M1AP: variants seen among roughly 807,000 people sequenced by gnomAD.
The protein encoded by M1AP is meiosis 1 arrest protein.
M1AP carries 39 observed loss-of-function variants against 51.2 expected under a neutral mutation model. That is an observed-to-expected ratio of 0.76 (90% CI 0.59 to 1.00). M1AP has a LOEUF of 1.00. Ranked by LOEUF, M1AP falls within the 50% of genes least tolerant of loss-of-function variation. The pLI, the probability that M1AP is intolerant of heterozygous loss-of-function variation, is 0.00. For missense variants in M1AP, 545 were observed against 641.2 expected (o/e 0.85, Z 1.62); for synonymous variants, 251 against 249.2 (o/e 1.01, Z -0.07).
rs190545863 is a variant in M1AP, at chr2:74,634,740, A to G, written c.240+5296T>C. 3.3e-4 allele frequency among the ~76,000 whole-genome samples: 50 copies of G among 152,268 alleles called. 1 individual carries two copies. The highest frequency in any genetic ancestry group is 1.1e-3 in the Admixed American group (17 of 15,284). On this transcript the variant is annotated intron_variant, in intron 2 of 10. Transcript: ENST00000421985. ...TTTGTCAAATGCTTATTCTACTTCA[A>G]TTGACATAATCATGTGGTTTTCTTC...
At chr2:74,602,243 C>A (rs1426475457) in intron 4 of M1AP, among the ~76,000 whole-genome samples, 2 of 151,810 alleles carry the variant, frequency 1.3e-5, no homozygotes, top group Admixed American at 6.6e-5. Flanking sequence ...TGTCAAAAAA[C>A]ATTTATTGAG....
At chr2:74,621,546 G>A (rs1298757885) in intron 2 of M1AP, among the ~76,000 whole-genome samples, 1 of 151,992 alleles carries the variant, frequency 6.6e-6, no homozygotes, top group African/African-American at 2.4e-5. Flanking sequence ...AGCACTTTGG[G>A]AGGCCGAGGT....
intron 2 of M1AP, among the ~76,000 whole-genome samples, chr2:74,623,632 C>T (rs1303210399): frequency 6.6e-6 from 1 of 152,100 alleles, no homozygotes; most frequent in South Asian, 2.1e-4. Flanking sequence ...TAATGTGCAG[C>T]TAAGGTTGAA....
intron 2 of M1AP, among the ~76,000 whole-genome samples, chr2:74,624,211 C>G (rs2104778174): frequency 6.6e-6 from 1 of 152,288 alleles, no homozygotes; most frequent in East Asian, 1.9e-4. Flanking sequence ...GGCTGTAAAG[C>G]TGTGGCACAT....
intron 2 of M1AP, chr2:74,620,589 G>A (rs1681947793): frequency 5.7e-6 from 1 of 174,866 alleles, no homozygotes; most frequent in Non-Finnish European, 1.3e-5. Context: ...CTACTGCAAT[G>A]CAAAGAAAAG....
chr2:74,634,570 G>A (rs1289597785), intron 2 of M1AP, among the ~76,000 whole-genome samples: 1 of 151,970 alleles, frequency 6.6e-6, no homozygotes, highest in Non-Finnish European at 1.5e-5. Context: ...TTACCTTATT[G>A]TGCTGCCTAG....
At chr2:74,622,764 C>T (rs1417971258) in intron 2 of M1AP, among the ~76,000 whole-genome samples, 1 of 151,220 alleles carries the variant, frequency 6.6e-6, no homozygotes, top group African/African-American at 2.4e-5. Flanking sequence ...TAAATATTAG[C>T]TGTATAAAAC....
chr2:74,584,633 G>T (rs188038858), intron 4 of M1AP, among the ~76,000 whole-genome samples: 1 of 151,230 alleles, frequency 6.6e-6, no homozygotes, highest in South Asian at 2.1e-4. Flanking sequence ...AGGGAGCAAT[G>T]CAAAGCCATG....
chr2:74,629,341 G>A (rs576120865), intron 2 of M1AP, among the ~76,000 whole-genome samples: 6 of 152,282 alleles, frequency 3.9e-5, no homozygotes, highest in African/African-American at 1.2e-4. Flanking sequence ...AATCTGAAAT[G>A]TTCCAAAATC....
At chr2:74,571,865 G>A (rs1197736918) in intron 7 of M1AP, among the ~76,000 whole-genome samples, 1 of 152,058 alleles carries the variant, frequency 6.6e-6, no homozygotes, top group Non-Finnish European at 1.5e-5. Flanking sequence ...ATGTGGTGGT[G>A]CATGCCTGTA....
intron 4 of M1AP, among the ~76,000 whole-genome samples, chr2:74,589,726 C>A (rs1402084819): frequency 6.6e-6 from 1 of 152,200 alleles, no homozygotes; most frequent in Non-Finnish European, 1.5e-5. Flanking sequence ...TTTCCCAGCT[C>A]TGGTCAGCTA....
intron 4 of M1AP, among the ~76,000 whole-genome samples, chr2:74,599,726 G>A (rs987269606): frequency 6.6e-6 from 1 of 151,480 alleles, no homozygotes; most frequent in Admixed American, 6.6e-5. Flanking sequence ...CTAAAATATA[G>A]AATACATATA....
rs745662064 is a variant in M1AP at position 74,562,171 on chromosome 2, TC to T, written c.1281+45del. 1.9e-6 allele frequency: 3 copies of T among 1,552,970 alleles called. No homozygotes were observed. In the East Asian group the frequency reaches 6.8e-5, roughly 35 times the overall value. On this transcript the variant is annotated intron_variant, in intron 8 of 10. Transcript: ENST00000421985. ...CCTCTCCCTCATCCCTTTCTCAAAC[TC>T]CATTCGCTTCTAGATCTGTCCCATG...
chr2:74,647,499 A>T (rs1306398447), intron 1 of M1AP: 3 of 733,182 alleles, frequency 4.1e-6, no homozygotes, highest in African/African-American at 3.8e-5. Flanking sequence ...AAAGAAGTTA[A>T]TGGATTTTGT....
chr2:74,639,389 T>C (rs1573194289), intron 2 of M1AP, among the ~76,000 whole-genome samples: 1 of 152,204 alleles, frequency 6.6e-6, no homozygotes, highest in East Asian at 1.9e-4. Flanking sequence ...CTGGAAGTCT[T>C]TCTCTTCACT....
intron 4 of M1AP, among the ~76,000 whole-genome samples, chr2:74,585,841 C>T (rs911174091): frequency 7.9e-5 from 12 of 152,218 alleles, no homozygotes; most frequent in East Asian, 3.8e-4. Flanking sequence ...ATGGCAGTAG[C>T]TTCTTAACTG....
intron 3 of M1AP, among the ~76,000 whole-genome samples, chr2:74,608,327 G>A (rs967625205): frequency 6.6e-6 from 1 of 152,084 alleles, no homozygotes; most frequent in African/African-American, 2.4e-5. Context: ...TCATATAGTT[G>A]GGGATATATA....
chr2:74,640,466 T>A, intron 1 of M1AP, 139 bp from the exon 2 acceptor site: 2 of 575,834 alleles, frequency 3.5e-6, no homozygotes, highest in South Asian at 5.4e-5. Context: ...CCATCCTATT[T>A]TTTTTTTTTT....
chr2:74,642,270 AT>A (rs1404194206), intron 1 of M1AP, among the ~76,000 whole-genome samples: 1 of 147,546 alleles, frequency 6.8e-6, no homozygotes, highest in African/African-American at 2.7e-5. Flanking sequence ...GAAACTAATA[AT>A]ATACAAAAAA....
Sources: allele counts gnomAD v4.1 joint callset (sites outside exome capture counted in the v4.1 genomes callset), GRCh38; gene constraint gnomAD v4.1.1; transcripts MANE v1.5; gene names NCBI Gene and HGNC (gene_info 2026-07-23, HGNC 2026-07-21).